Variants in RBM33 observed in about 807,000 individuals in gnomAD.
The protein encoded by RBM33 is RNA binding motif protein 33.
In RBM33, 28 loss-of-function variants were observed where a neutral mutation model predicts 132.6. The observed-to-expected ratio is 0.21, with a 90% CI of 0.16 to 0.29. RBM33 has a LOEUF of 0.29. RBM33 is among the 10% of genes least tolerant of loss of function. The pLI, the probability that RBM33 is intolerant of heterozygous loss-of-function variation, is 1.00. For synonymous variants in RBM33, 634 were observed against 593.0 expected, an observed-to-expected ratio of 1.07 and a Z score of -1.01; for missense variants, 1,291 against 1,518.5, an observed-to-expected ratio of 0.85 and a Z score of 2.49.
In RBM33 at chr7:155,775,189, GGGCCTGATTCCAGA is replaced by G; in HGVS notation, c.*151_*164del. ...GTTCTCCAGAGCGCCAGCCAGCCAC[GGGCCTGATTCCAGA>G]GGAGCCGAACTGACAGGACACAGCA... On this transcript the variant is annotated 3_prime_UTR_variant, in exon 18 of 18. Coordinates refer to ENST00000401878, the MANE Select transcript of RBM33 (RefSeq NM_053043.3). 1 of 755,360 alleles carries G rather than the reference GGGCCTGATTCCAGA, an allele frequency of 1.3e-6. No homozygotes were observed. 46.8% of individuals were successfully genotyped at this position (755,360 alleles called of 1,614,324 possible).
chr7:155,682,286 A>G (rs1477445290), intron 5 of RBM33, among the ~76,000 whole-genome samples: 1 of 152,028 alleles, frequency 6.6e-6, no homozygotes, highest in Non-Finnish European at 1.5e-5. Context: ...CAGTAATGAG[A>G]GATGTTTGTA....
chr7:155,734,828 A>G (rs10266680), intron 9 of RBM33, among the ~76,000 whole-genome samples: 36,685 of 151,980 alleles, frequency 0.24, 4,681 homozygotes, highest in African/African-American at 0.32. Flanking sequence ...GTGATCAGTC[A>G]AACCTCTCTG....
chr7:155,772,703 C>A (rs985496168), intron 16 of RBM33, among the ~76,000 whole-genome samples: 1 of 152,164 alleles, frequency 6.6e-6, no homozygotes, highest in Non-Finnish European at 1.5e-5. Flanking sequence ...CAGAAAAAAA[C>A]AGACCAATTC....
intron 5 of RBM33, among the ~76,000 whole-genome samples, chr7:155,696,535 T>C (rs1174597388): frequency 1.3e-5 from 2 of 152,186 alleles, no homozygotes; most frequent in Non-Finnish European, 2.9e-5. Flanking sequence ...ATGCTAGCTG[T>C]ACGTTTTTAT....
At chr7:155,689,458 GTATCTC>G (rs1799570804) in intron 5 of RBM33, among the ~76,000 whole-genome samples, 1 of 151,972 alleles carries the variant, frequency 6.6e-6, no homozygotes, top group Admixed American at 6.6e-5. Context: ...AGGGTTTTTT[GTATCTC>G]TATCTCCTTC....
intron 5 of RBM33, among the ~76,000 whole-genome samples, chr7:155,687,856 C>CCATG (rs1799524200): frequency 6.6e-6 from 1 of 152,112 alleles, no homozygotes; most frequent in African/African-American, 2.4e-5. Context: ...GGTACCAGTA[C>CCATG]CATGCTGTTT....
At chr7:155,714,222 A>G (rs1437040405) in intron 8 of RBM33, among the ~76,000 whole-genome samples, 2 of 152,114 alleles carry the variant, frequency 1.3e-5, no homozygotes, top group Non-Finnish European at 1.5e-5. Context: ...AGTTGGGTTT[A>G]TGAGGGTCAT....
intron 8 of RBM33, 52 bp downstream of exon 8, chr7:155,711,507 G>C: frequency 8.1e-7 from 1 of 1,227,448 alleles, no homozygotes; most frequent in South Asian, 2.0e-5. Context: ...AGCTTCCAAT[G>C]GTTTGACTTA....
rs1281598309 is a variant in RBM33 at position 155,673,957 on chromosome 7, T to G, written c.171+1042T>G. 7.9e-4 allele frequency among the ~76,000 whole-genome samples: 93 copies of G among 117,748 alleles called. 12 individuals carry two copies. The East Asian group carries it at 0.016, about 21-fold the overall frequency. 77.2% of individuals were successfully genotyped at this position (117,748 alleles called of 152,430 possible). On this transcript the variant is annotated intron_variant, in intron 3 of 17. Coordinates refer to ENST00000401878, the MANE Select transcript of RBM33 (RefSeq NM_053043.3). ...TAGGCTTAGTTTTTTTTTTTTTTTT[T>G]TTTTTTTTTTTTTTTGAGACACAGT... is the stretch of plus-strand genomic sequence containing the variant.
At position 155,741,920 on chromosome 7, in the gene RBM33, C is replaced by T. The variant is rs375555967; in HGVS notation, c.2151C>T (p.His717=). The T allele has an allele frequency of 4.0e-5, 64 of 1,613,890 alleles. No homozygotes were observed. The highest frequency in any genetic ancestry group is 5.0e-5 in the Non-Finnish European group (59 of 1,179,906). ...NLRELPIAPS[H]VIEMSSSRCS... is the part of the protein sequence containing the mutation. The stretch of plus-strand genomic sequence containing the variant: ...GTGAATTACCCATAGCGCCGTCACA[C>T]GTGATAGAAATGAGCAGCAGCCGCT... The change falls in exon 13 of 18, where the codon CAC becomes CAT. Residue 717 remains histidine (H), a synonymous_variant. Coordinates refer to ENST00000401878, the MANE Select transcript of RBM33 (RefSeq NM_053043.3).
At chr7:155,721,378 A>G (rs1800620598) in intron 9 of RBM33, among the ~76,000 whole-genome samples, 1 of 152,154 alleles carries the variant, frequency 6.6e-6, no homozygotes, top group Non-Finnish European at 1.5e-5. Flanking sequence ...GGAGCCCTAC[A>G]TAGAATAAGT....
rs1350773176 is a variant in RBM33, at chr7:155,673,755, C to T, written c.171+840C>T. Among the ~76,000 whole-genome samples, 6 of 56,362 alleles carry T rather than the reference C, an allele frequency of 1.1e-4. 1 individual carries two copies. The South Asian group carries it at 2.1e-3, about 20-fold the overall frequency. 37.0% of individuals were successfully genotyped at this position (56,362 alleles called of 152,430 possible). A position where few individuals can be genotyped will look rare whatever the true frequency, so the allele number is the denominator to read the frequency against. ...ATATATACATACACACGTGTATATA[C>T]GCGCGCATGCGCGCACACACACACA... On this transcript the variant is annotated intron_variant, in intron 3 of 17. Coordinates refer to ENST00000401878, the MANE Select transcript of RBM33 (RefSeq NM_053043.3).
At position 155,738,264 on chromosome 7, in the gene RBM33, A is replaced by G; in HGVS notation, c.1598A>G (p.Gln533Arg). 1 of 1,613,970 alleles carries G rather than the reference A, an allele frequency of 6.2e-7. No homozygotes were observed. The highest frequency in any genetic ancestry group is 8.5e-7 in the Non-Finnish European group (1 of 1,179,878). The change falls in exon 11 of 18, where the codon CAG becomes CGG. Residue 533 changes from glutamine (Q) to arginine (R), a missense_variant. Gln to Arg is a conservative substitution (Grantham distance 43, BLOSUM62 1). This residue lies in a region of RBM33 where 841 missense variants were observed against 912.0 expected (regional missense o/e 0.92). Transcript: ENST00000401878. ...GAGCGGCCCGTACGACCAGCCTTGC[A>G]GCCTCCAGGTCCGGTGGGGATTCTG... is the stretch of plus-strand genomic sequence containing the variant. ...PRERPVRPAL[Q>R]PPGPVGILHF...
At chr7:155,712,547 G>A (rs1381317288) in intron 8 of RBM33, among the ~76,000 whole-genome samples, 4 of 152,212 alleles carry the variant, frequency 2.6e-5, no homozygotes, top group Non-Finnish European at 5.9e-5. Context: ...AGGATGCGGG[G>A]AAGGGATGGG....
intron 5 of RBM33, among the ~76,000 whole-genome samples, chr7:155,689,019 A>C (rs897142022): frequency 3.3e-5 from 5 of 152,110 alleles, no homozygotes; most frequent in Non-Finnish European, 1.5e-5. Flanking sequence ...CTCTTTTTCT[A>C]TTGATTGGAA....
At chr7:155,659,154 A>G (rs1004959794) in intron 1 of RBM33, among the ~76,000 whole-genome samples, 1 of 152,206 alleles carries the variant, frequency 6.6e-6, no homozygotes, top group African/African-American at 2.4e-5. Flanking sequence ...CTACATTGCA[A>G]TGTACAGAAT....
In RBM33 at chr7:155,777,047, AC is replaced by A. The variant is rs1802636619; in HGVS notation, c.*2007del. The A allele has an allele frequency of 6.7e-6, 1 of 149,856 alleles. No individual in the cohort carries two copies. The highest frequency in any genetic ancestry group is 2.5e-5 in the African/African-American group (1 of 39,924). The allele number at this position is 149,856 out of a possible 1,614,324, so 9.3% of individuals were successfully genotyped here. On this transcript the variant is annotated 3_prime_UTR_variant, in exon 18 of 18. Transcript: ENST00000401878. The stretch of plus-strand genomic sequence containing the variant: ...CTGATACAATGAAATGAGTTTCATG[AC>A]TTTTTTTTTTTTTAAACACTTTTTG...
rs759729729 is a variant in RBM33, at chr7:155,718,422, C to T, written c.1239C>T (p.Ala413=). Residue 413 remains alanine, a synonymous_variant, in exon 9 of 18, where the codon GCC becomes GCT. Coordinates refer to ENST00000401878, the MANE Select transcript of RBM33 (RefSeq NM_053043.3). ...CAGTTCCGAGCCAGCCGAGACCTGC[C>T]GTGGGACCCCAGAGATTCCCAGTGA... is the stretch of plus-strand genomic sequence containing the variant. ...LLPVPSQPRP[A]VGPQRFPGPP... is the part of the protein sequence containing the mutation. The T allele has an allele frequency of 1.7e-5, 28 of 1,613,702 alleles. No individual in the cohort carries two copies. The highest frequency in any genetic ancestry group is 6.7e-5 in the African/African-American group (5 of 74,870).
intron 1 of RBM33, among the ~76,000 whole-genome samples, chr7:155,649,077 C>G (rs1404922956): frequency 6.6e-6 from 1 of 151,940 alleles, no homozygotes; most frequent in African/African-American, 2.4e-5. Flanking sequence ...TTTTTTTCTC[C>G]AGTTCTTTTT....
Sources: gnomAD v4.1 joint callset for allele counts (sites outside exome capture counted in the v4.1 genomes callset) on GRCh38, gnomAD v4.1.1 for gene constraint, gnomAD v4.1.1 regional missense constraint, MANE v1.5 for transcripts, NCBI Gene and HGNC (gene_info 2026-07-23, HGNC 2026-07-21) for gene names.